Variants in IL1RL1 observed in about 807,000 individuals in gnomAD.
The protein encoded by IL1RL1 is interleukin-1 receptor-like 1.
Under a neutral mutation model 50.9 loss-of-function variants are expected in IL1RL1, and 32 were observed. The ratio of observed to expected loss-of-function variants is 0.63; its 90% confidence interval spans 0.47 to 0.84. The LOEUF (loss-of-function observed/expected upper bound fraction) is 0.84, where lower values mean the gene tolerates loss of function less well. IL1RL1 is among the 40% of genes least tolerant of loss of function. The pLI, the probability that IL1RL1 is intolerant of heterozygous loss-of-function variation, is 0.00. For synonymous variants in IL1RL1, 275 were observed against 236.0 expected (o/e 1.17, Z -1.51); for missense variants, 773 against 662.9 (o/e 1.17, Z -1.82).
chr2:102,321,083 G>A (rs996657970), intron 1 of IL1RL1, among the ~76,000 whole-genome samples: 1 of 152,190 alleles, frequency 6.6e-6, no homozygotes, highest in Non-Finnish European at 1.5e-5. Flanking sequence ...CACCAGGCTT[G>A]CCTCCATGGC....
chr2:102,348,252 C>T (rs1677835711), intron 9 of IL1RL1, among the ~76,000 whole-genome samples, 161 bp downstream of exon 9: 1 of 152,138 alleles, frequency 6.6e-6, no homozygotes, highest in Non-Finnish European at 1.5e-5. Flanking sequence ...TTCTTAAAGG[C>T]CATTTTCCAT....
At chr2:102,342,171 T>C (rs1677592722) in intron 5 of IL1RL1, 52 bp from the exon 6 acceptor site, 2 of 1,244,848 alleles carry the variant, frequency 1.6e-6, no homozygotes, top group Admixed American at 3.6e-5. Context: ...AAGCTTTATA[T>C]TGACTAGCAT....
At chr2:102,311,918 T>A (rs1354180525) in intron 1 of IL1RL1, among the ~76,000 whole-genome samples, 3 of 34,860 alleles carry the variant, frequency 8.6e-5, no homozygotes, top group African/African-American at 2.9e-4. Flanking sequence ...ATATATTTTA[T>A]TATATAATAT....
chr2:102,320,527 C>T (rs1476073107), intron 1 of IL1RL1, among the ~76,000 whole-genome samples: 1 of 152,130 alleles, frequency 6.6e-6, no homozygotes, highest in Admixed American at 6.5e-5. Context: ...AGCAGATATT[C>T]ATCCTACTGA....
intron 1 of IL1RL1, among the ~76,000 whole-genome samples, chr2:102,323,275 T>TATATATATATATATATATATATATATATA (rs1559596435): frequency 1.0e-4 from 3 of 28,674 alleles, no homozygotes; most frequent in African/African-American, 3.7e-4. Context: ...ATATATATAG[T>TATATATATATATATATATATATATATATA]GTGTGTGTGT....
chr2:102,347,035 A>G (rs1323905380), intron 8 of IL1RL1, among the ~76,000 whole-genome samples: 3 of 152,228 alleles, frequency 2.0e-5, no homozygotes, highest in Admixed American at 1.3e-4. Flanking sequence ...ATGGGCTATG[A>G]GTAGGACCTA....
intron 1 of IL1RL1, among the ~76,000 whole-genome samples, chr2:102,313,687 G>A (rs1558622): frequency 0.48 from 72,762 of 152,028 alleles, 17,704 homozygotes; most frequent in Middle Eastern, 0.63. Flanking sequence ...GGAGAGCCCC[G>A]CAAGGATTTG....
At position 102,340,765 on chromosome 2, in the gene IL1RL1, T is replaced by C; in HGVS notation, c.547T>C (p.Phe183Leu). 1 of 1,592,218 alleles carries C rather than the reference T, an allele frequency of 6.3e-7. No homozygotes were observed. Among genetic ancestry groups the C allele is most frequent in the Non-Finnish European group, 8.5e-7 (1 of 1,173,700 alleles). The change falls in exon 5 of 11, where the codon TTT becomes CTT. Residue 183 changes from phenylalanine (F) to leucine (L), a missense_variant. Transcript: ENST00000233954. The part of the protein sequence containing the change: ...TEDAGDYTCK[F>L]IHNENGANYS... ...GGACGCAGGTGATTACACCTGTAAA[T>C]TTATACACAATGAAAATGGAGCCAA...
At chr2:102,350,451 T>G (rs1402563440) in intron 10 of IL1RL1, among the ~76,000 whole-genome samples, 5 of 152,264 alleles carry the variant, frequency 3.3e-5, no homozygotes, top group African/African-American at 1.2e-4. Context: ...CTTCCCTCTG[T>G]CAATGCATGT....
Position 102,351,705 on chromosome 2 carries a change from G to C in IL1RL1, c.1455G>C (p.Leu485=). Residue 485 remains leucine, a synonymous_variant, in exon 11 of 11, where the codon CTG becomes CTC. Coordinates refer to ENST00000233954, the MANE Select transcript of IL1RL1 (RefSeq NM_016232.5). ...TGATACTTATTGAGATGGAGGCTCT[G>C]AGCGAGCTGGACATGCTGCAGGCTG... ...AKVILIEMEA[L]SELDMLQAEA... The C allele has an allele frequency of 6.2e-7, 1 of 1,614,118 alleles. No homozygotes were observed. The highest frequency in any genetic ancestry group is 8.5e-7 in the Non-Finnish European group (1 of 1,180,018).
chr2:102,348,444 T>C (rs1303695797), intron 9 of IL1RL1, among the ~76,000 whole-genome samples: 1 of 152,180 alleles, frequency 6.6e-6, no homozygotes, highest in Admixed American at 6.5e-5. Flanking sequence ...AAATTGTTCC[T>C]GTTTTCCAGA....
At chr2:102,341,662 C>A (rs376915575) in intron 5 of IL1RL1, among the ~76,000 whole-genome samples, 30 of 152,256 alleles carry the variant, frequency 2.0e-4, no homozygotes, top group East Asian at 1.9e-3. Context: ...TACAGTGGTC[C>A]TTAATCACAC....
At chr2:102,335,969 A>G (rs975110429) in intron 1 of IL1RL1, among the ~76,000 whole-genome samples, 1 of 152,122 alleles carries the variant, frequency 6.6e-6, no homozygotes, top group African/African-American at 2.4e-5. Context: ...CGAACATCTC[A>G]TGGTCAATCT....
chr2:102,349,927 C>G (rs1677883444), intron 10 of IL1RL1, among the ~76,000 whole-genome samples: 2 of 152,126 alleles, frequency 1.3e-5, no homozygotes, highest in African/African-American at 4.8e-5. Flanking sequence ...GCTCAGCTAT[C>G]AAGGGCCTAA....
chr2:102,345,343 G>A (rs779279301), intron 8 of IL1RL1: 55 of 985,200 alleles, frequency 5.6e-5, no homozygotes, highest in Non-Finnish European at 5.9e-5. Flanking sequence ...ACATATCCAG[G>A]CAAAGACATC....
At chr2:102,333,174 G>C (rs926511592) in intron 1 of IL1RL1, among the ~76,000 whole-genome samples, 47 of 150,766 alleles carry the variant, frequency 3.1e-4, no homozygotes, top group African/African-American at 1.0e-3. Flanking sequence ...AATCTCCAGA[G>C]TGTCTGTTTT....
At chr2:102,347,818 A>G in intron 8 of IL1RL1, 127 bp from the exon 9 acceptor site, 3 of 605,168 alleles carry the variant, frequency 5.0e-6, no homozygotes, top group Non-Finnish European at 8.8e-6. Flanking sequence ...TAAAGCAGCC[A>G]TGAAAATTCC....
Position 102,345,747 on chromosome 2 carries a change from G to T in IL1RL1, c.971-2198G>T, listed in dbSNP as rs540954925. The stretch of plus-strand genomic sequence containing the variant: ...TGTAGATGGCTATAAGTGCCGTAGT[G>T]TTCTGTGGGTCTCTGGTGTCTGCCA... On this transcript the variant is annotated intron_variant, in intron 8 of 10. Coordinates refer to ENST00000233954, the MANE Select transcript of IL1RL1 (RefSeq NM_016232.5). The T allele has an allele frequency of 1.0e-4, 100 of 985,412 alleles. 1 individual carries two copies. In the Middle Eastern group the frequency reaches 2.1e-3, roughly 21 times the overall value. 61.0% of individuals were successfully genotyped at this position (985,412 alleles called of 1,614,324 possible).
chr2:102,347,166 C>G (rs1335555781), intron 8 of IL1RL1, among the ~76,000 whole-genome samples: 1 of 152,200 alleles, frequency 6.6e-6, no homozygotes, highest in Non-Finnish European at 1.5e-5. Context: ...TGTCTCAGAC[C>G]CGTTGATGCC....
Sources: gnomAD v4.1 joint callset for allele counts (sites outside exome capture counted in the v4.1 genomes callset) on GRCh38, gnomAD v4.1.1 for gene constraint, MANE v1.5 for transcripts, NCBI Gene and HGNC (gene_info 2026-07-23, HGNC 2026-07-21) for gene names.